The following FAT1 variants were observed in gnomAD, a reference collection of about 807,000 sequenced individuals.
FAT1 encodes protocadherin Fat 1.
A neutral mutation model predicts 329.8 loss-of-function variants in FAT1; 171 were observed. The observed-to-expected ratio is 0.52, with a 90% CI of 0.46 to 0.59. The LOEUF (loss-of-function observed/expected upper bound fraction) is 0.59, where lower values mean the gene tolerates loss of function less well. FAT1 is among the 20% of genes least tolerant of loss of function. The probability of loss-of-function intolerance (pLI) is 0.00; values close to 1 mark genes in which losing one functional copy is unlikely to be tolerated. For missense variants in FAT1, 5,672 were observed against 5,774.4 expected (o/e 0.98, Z 0.57); for synonymous variants, 2,233 against 2,228.6 (o/e 1.00, Z -0.06).
At chr4:186,716,049 C>T (rs778818448) in intron 1 of FAT1, among the ~76,000 whole-genome samples, 6 of 152,044 alleles carry the variant, frequency 3.9e-5, no homozygotes, top group Admixed American at 2.0e-4. Context: ...TTTAGATGAC[C>T]TCAAGCTCAA....
intron 21 of FAT1, 32 bp from the exon 22 acceptor site, chr4:186,600,392 T>C: frequency 6.4e-7 from 1 of 1,555,356 alleles, no homozygotes; most frequent in Non-Finnish European, 8.7e-7. Flanking sequence ...TTCACATTAC[T>C]CTCATAGAAC....
chr4:186,692,237 C>T (rs1390582396), intron 2 of FAT1, among the ~76,000 whole-genome samples: 1 of 152,298 alleles, frequency 6.6e-6, no homozygotes, highest in East Asian at 1.9e-4. Context: ...ACATACGTCC[C>T]GTAACAAACA....
rs192601771 is a variant in FAT1 at position 186,619,252 on chromosome 4, C to A, written c.7334G>T (p.Gly2445Val). 17 of 1,613,892 alleles carry A rather than the reference C, an allele frequency of 1.1e-5. No individual in the cohort carries two copies. In the African/African-American group the frequency reaches 1.2e-4, roughly 11 times the overall value. The change falls in exon 10 of 27, where the codon GGG becomes GTG. Residue 2445 changes from glycine (G) to valine (V), a missense_variant. By Grantham distance (109) the Gly-to-Val change is moderately radical. This residue lies in a region of FAT1 where 3,966 missense variants were observed against 3,915.2 expected (regional missense o/e 1.01). Coordinates refer to ENST00000441802, the MANE Select transcript of FAT1 (RefSeq NM_005245.4). ...HKHFVIDSAT[G>V]IITLSNLHRH... ...GTGCAGGTTTGAGAGGGTGATAATC[C>A]CTGTTGCACTGTCAATGACAAAATG...
intron 1 of FAT1, among the ~76,000 whole-genome samples, chr4:186,714,242 T>C (rs1745106494): frequency 5.4e-5 from 8 of 147,810 alleles, no homozygotes. Context: ...GGGGGGCAGA[T>C]TGTGAATCTA....
chr4:186,691,549 T>C (rs1010372053), intron 2 of FAT1, among the ~76,000 whole-genome samples: 20 of 152,152 alleles, frequency 1.3e-4, no homozygotes, highest in African/African-American at 4.6e-4. Flanking sequence ...ATCTGTAATG[T>C]CAGCGCTTTG....
chr4:186,619,071 A>T lies in FAT1; in HGVS notation c.7515T>A (p.Ala2505=), dbSNP rs1739886876. The T allele has an allele frequency of 6.2e-7, 1 of 1,614,000 alleles. No individual in the cohort carries two copies. The highest frequency in any genetic ancestry group is 8.5e-7 in the Non-Finnish European group (1 of 1,179,892). Residue 2505 remains alanine (A), a synonymous_variant, in exon 10 of 27, where the codon GCT becomes GCA. Transcript: ENST00000441802. ...CCTCCATCACCAGGGTATGTAGGGG[A>T]GCGTTTTCAGCTAGTTCCACTTCAT... ...NEYEVELAEN[A]PLHTLVMEVK...
rs1739743737 is a variant in FAT1 at position 186,617,044 on chromosome 4, T to C, written c.9036A>G (p.Lys3012=). 1.2e-6 allele frequency: 2 copies of C among 1,613,876 alleles called. No homozygotes were observed. The highest frequency in any genetic ancestry group is 4.5e-5 in the East Asian group (2 of 44,874). Residue 3012 remains lysine (K), a synonymous_variant, in exon 11 of 27, where the codon AAA becomes AAG. Coordinates refer to ENST00000441802, the MANE Select transcript of FAT1 (RefSeq NM_005245.4). ...TFSSKAIVEV[K]VLDANDNSPV... is the part of the protein sequence containing the mutation. ...GACTGTTGTCATTTGCATCCAGAACTTTCACTTCAACTATCGCTTTTGATG... is the reference window on the plus strand; with the variant it reads ...GACTGTTGTCATTTGCATCCAGAACCTTCACTTCAACTATCGCTTTTGATG...
At chr4:186,670,605 G>T (rs116773953) in intron 2 of FAT1, among the ~76,000 whole-genome samples, 1,537 of 152,224 alleles carry the variant, frequency 0.01, 12 homozygotes, top group Middle Eastern at 0.048. Flanking sequence ...AAACATCTCA[G>T]AATTGTCATA....
intron 6 of FAT1, 46 bp from the exon 7 acceptor site, chr4:186,633,869 CTG>C (rs772232471): frequency 5.6e-6 from 9 of 1,608,172 alleles, no homozygotes; most frequent in Admixed American, 3.3e-5. Flanking sequence ...GGATAACACT[CTG>C]TAGTTTATTC....
In FAT1 at chr4:186,628,183, T is replaced by C. The variant is rs2126541727; in HGVS notation, c.4781A>G (p.Asn1594Ser). The change falls in exon 9 of 27, where the codon AAT (asparagine) becomes AGT (serine). Residue 1594 changes from asparagine to serine, a missense_variant. Transcript: ENST00000441802. ...CTCGATCGAGTACAGCACTTCAGCATTTTTCCCTTTGTCCTTGTCCAGAGC... is the reference window on the plus strand; with the variant it reads ...CTCGATCGAGTACAGCACTTCAGCACTTTTCCCTTTGTCCTTGTCCAGAGC... The part of the protein sequence containing the change: ...VTALDKDKGK[N>S]AEVLYSIESG... The C allele has an allele frequency of 6.2e-7, 1 of 1,613,742 alleles. No individual in the cohort carries two copies. The highest frequency in any genetic ancestry group is 8.5e-7 in the Non-Finnish European group (1 of 1,179,780).
chr4:186,690,762 A>T (rs941777790), intron 2 of FAT1, among the ~76,000 whole-genome samples: 2 of 152,202 alleles, frequency 1.3e-5, no homozygotes, highest in Non-Finnish European at 2.9e-5. Context: ...TGAACTCTAC[A>T]TAAGTCTCTA....
At chr4:186,684,526 G>A (rs772519035) in intron 2 of FAT1, among the ~76,000 whole-genome samples, 1 of 152,112 alleles carries the variant, frequency 6.6e-6, no homozygotes, top group Non-Finnish European at 1.5e-5. Context: ...TGGAACTGAC[G>A]CTCGGCCCGT....
chr4:186,609,607 G>C (rs1250827535), intron 15 of FAT1, among the ~76,000 whole-genome samples, 194 bp downstream of exon 15: 2 of 152,042 alleles, frequency 1.3e-5, no homozygotes, highest in Non-Finnish European at 2.9e-5. Flanking sequence ...TTTTAGTAGA[G>C]ACAGGGTTAG....
At chr4:186,590,353 GCA>G (rs1412791629) in intron 26 of FAT1, 2 of 1,285,746 alleles carry the variant, frequency 1.6e-6, no homozygotes, top group African/African-American at 3.0e-5. Flanking sequence ...TGAATAACTG[GCA>G]TGCATAAGTC....
intron 3 of FAT1, among the ~76,000 whole-genome samples, chr4:186,643,379 A>G (rs141669795): frequency 6.6e-6 from 1 of 152,282 alleles, no homozygotes; most frequent in African/African-American, 2.4e-5. Context: ...AATAACAACA[A>G]CAAACTTTCT....
chr4:186,711,268 T>C (rs745411230), intron 1 of FAT1, among the ~76,000 whole-genome samples: 2 of 152,240 alleles, frequency 1.3e-5, no homozygotes, highest in African/African-American at 2.4e-5. Context: ...TTAATTGATA[T>C]TGAACCACGT....
intron 2 of FAT1, among the ~76,000 whole-genome samples, chr4:186,681,960 A>T (rs1743228532): frequency 6.6e-6 from 1 of 152,190 alleles, no homozygotes; most frequent in Non-Finnish European, 1.5e-5. Flanking sequence ...CTGGTTACGG[A>T]TCTATAAGTA....
intron 26 of FAT1, among the ~76,000 whole-genome samples, chr4:186,595,256 A>T (rs958465691): frequency 5.9e-5 from 9 of 152,056 alleles, no homozygotes; most frequent in Non-Finnish European, 1.2e-4. Context: ...GGTGCTACTG[A>T]AATCGAACAT....
At chr4:186,700,279 G>A (rs1198797620) in intron 2 of FAT1, among the ~76,000 whole-genome samples, 4 of 152,174 alleles carry the variant, frequency 2.6e-5, no homozygotes, top group African/African-American at 9.7e-5. Flanking sequence ...CAGTTCAGAT[G>A]GGCAGCATTT....
Sources: gnomAD v4.1 joint callset for allele counts (sites outside exome capture counted in the v4.1 genomes callset) on GRCh38, gnomAD v4.1.1 for gene constraint, gnomAD v4.1.1 regional missense constraint, MANE v1.5 for transcripts, NCBI Gene and HGNC (gene_info 2026-07-23, HGNC 2026-07-21) for gene names.